Variants in MBD5 observed in about 807,000 individuals in gnomAD.
MBD5 encodes the protein methyl-CpG binding domain protein 5.
MBD5 carries 13 observed loss-of-function variants against 117.3 expected under a neutral mutation model. The observed-to-expected ratio is 0.11, with a 90% CI of 0.07 to 0.18. The LOEUF (loss-of-function observed/expected upper bound fraction) is 0.18, where lower values mean the gene tolerates loss of function less well. MBD5 is among the 10% of genes least tolerant of loss of function. The probability of loss-of-function intolerance (pLI) is 1.00; values close to 1 mark genes in which losing one functional copy is unlikely to be tolerated. For missense variants in MBD5, 1,879 were observed against 2,093.8 expected (o/e 0.90, Z 2.00); for synonymous variants, 727 against 766.4 (o/e 0.95, Z 0.85).
chr2:148,432,386 C>T (rs1395667802), intron 4 of MBD5, among the ~76,000 whole-genome samples: 2 of 152,052 alleles, frequency 1.3e-5, no homozygotes, highest in East Asian at 3.9e-4. Context: ...TCCCATTTGT[C>T]AATTTTGGTT....
chr2:148,150,877 T>C (rs1353820921), intron 1 of MBD5, among the ~76,000 whole-genome samples: 1 of 152,214 alleles, frequency 6.6e-6, no homozygotes, highest in Non-Finnish European at 1.5e-5. Context: ...TACAATCATG[T>C]CATCTGCAAA....
At position 148,263,340 on chromosome 2, in the gene MBD5, G is replaced by C. The variant is rs181799818; in HGVS notation, c.-680+29945G>C. On this transcript the variant is annotated intron_variant, in intron 3 of 13. Coordinates refer to ENST00000642680, the MANE Select transcript of MBD5 (RefSeq NM_001378120.1). Reference sequence around the variant, plus strand: ...TCGTGGCACAAATGTACACAGTTGTGGTGTGTGCATTGGGAGGCAGAGAGA... The same window carrying C: ...TCGTGGCACAAATGTACACAGTTGTCGTGTGTGCATTGGGAGGCAGAGAGA... Among the ~76,000 whole-genome samples, 295 of 152,248 alleles carry C rather than the reference G, an allele frequency of 1.9e-3. 1 individual carries two copies. The highest frequency in any genetic ancestry group is 6.7e-3 in the African/African-American group (277 of 41,558).
At chr2:148,211,698 A>G (rs958683358) in intron 2 of MBD5, among the ~76,000 whole-genome samples, 4 of 152,178 alleles carry the variant, frequency 2.6e-5, no homozygotes, top group African/African-American at 9.7e-5. Flanking sequence ...ACTCATCTTG[A>G]TGGCTTATTT....
At chr2:148,156,734 A>G (rs2105714450) in intron 1 of MBD5, among the ~76,000 whole-genome samples, 1 of 152,358 alleles carries the variant, frequency 6.6e-6, no homozygotes, top group African/African-American at 2.4e-5. Context: ...TTACTCTAAT[A>G]GAAGGCTTGG....
intron 2 of MBD5, among the ~76,000 whole-genome samples, chr2:148,223,259 A>G (rs1699735980): frequency 6.6e-6 from 1 of 152,102 alleles, no homozygotes; most frequent in Non-Finnish European, 1.5e-5. Context: ...TATTTTTGGT[A>G]TAAGGGTAAT....
At chr2:148,387,317 C>G (rs1704403163) in intron 4 of MBD5, among the ~76,000 whole-genome samples, 1 of 151,774 alleles carries the variant, frequency 6.6e-6, no homozygotes, top group African/African-American at 2.4e-5. Context: ...ATGATCATCT[C>G]AATAGAATTT....
rs34981118 is a variant in MBD5 at position 148,176,304 on chromosome 2, G to GTT, written c.-924-2379_-924-2378dup. Among the ~76,000 whole-genome samples, 158 of 98,902 alleles carry GTT rather than the reference G, an allele frequency of 1.6e-3. 1 individual carries two copies. The highest frequency in any genetic ancestry group is 2.0e-3 in the Admixed American group (19 of 9,372). The allele number at this position is 98,902 out of a possible 152,430, so 64.9% of individuals were successfully genotyped here. A position where few individuals can be genotyped will look rare whatever the true frequency, so the allele number is the denominator to read the frequency against. Reference sequence around the variant, plus strand: ...AATTACCTCTGTTTATTAGAGTTTTGTTTTTTTTTTTTTTTTTTCAGAAAA... The same window carrying GTT: ...AATTACCTCTGTTTATTAGAGTTTTGTTTTTTTTTTTTTTTTTTTTCAGAAAA... On this transcript the variant is annotated intron_variant, in intron 1 of 13. Transcript: ENST00000642680.
chr2:148,256,886 C>T (rs1700604668), intron 3 of MBD5, among the ~76,000 whole-genome samples: 1 of 152,226 alleles, frequency 6.6e-6, no homozygotes, highest in Admixed American at 6.5e-5. Flanking sequence ...TACTTGTACT[C>T]AGCTTACTCC....
chr2:148,153,115 G>T (rs1284913521), intron 1 of MBD5, among the ~76,000 whole-genome samples: 9 of 151,770 alleles, frequency 5.9e-5, no homozygotes, highest in African/African-American at 2.2e-4. Flanking sequence ...TCCTTCAGGA[G>T]CTCTTTTAGG....
At chr2:148,495,612 G>A (rs1474757947) in intron 11 of MBD5, among the ~76,000 whole-genome samples, 1 of 151,988 alleles carries the variant, frequency 6.6e-6, no homozygotes, top group Non-Finnish European at 1.5e-5. Flanking sequence ...AGAGACACCT[G>A]ATTACCAAAA....
intron 11 of MBD5, chr2:148,490,795 G>T: frequency 1.5e-6 from 1 of 650,338 alleles, no homozygotes; most frequent in Non-Finnish European, 2.6e-6. Context: ...GGGGTGAGTT[G>T]TAAAGCATTT....
chr2:148,027,894 G>A (rs1242218964), intron 1 of MBD5: 5 of 152,072 alleles, frequency 3.3e-5, no homozygotes, highest in African/African-American at 4.8e-5. Context: ...ATAATCAGTA[G>A]TGTGATCTTA....
At position 148,294,501 on chromosome 2, in the gene MBD5, G is replaced by GTTTTTTTTTTTTTTTTTTTTT. The variant is rs58961481; in HGVS notation, c.-679-47693_-679-47692insTTTTTTTTTTTTTTTTTTTTT. ...GGCCTCCCAAAGTGCTGGGATTACA[G>GTTTTTTTTTTTTTTTTTTTTT]TTTTTTTTTTTTTTTTTTTTGAGAT... On this transcript the variant is annotated intron_variant, in intron 3 of 13. Transcript: ENST00000642680. Among the ~76,000 whole-genome samples the GTTTTTTTTTTTTTTTTTTTTT allele has an allele frequency of 4.3e-4, 49 of 113,246 alleles. 5 individuals carry two copies. The highest frequency in any genetic ancestry group is 1.7e-3 in the African/African-American group (47 of 27,284). 74.3% of individuals were successfully genotyped at this position (113,246 alleles called of 152,430 possible). A position where few individuals can be genotyped will look rare whatever the true frequency, so the allele number is the denominator to read the frequency against.
At chr2:148,493,417 C>T (rs1465460131) in intron 11 of MBD5, among the ~76,000 whole-genome samples, 2 of 152,308 alleles carry the variant, frequency 1.3e-5, no homozygotes, top group Non-Finnish European at 1.5e-5. Flanking sequence ...TTTTCAGTTA[C>T]AGGCTTTGTT....
chr2:148,110,750 G>A (rs1257321580), intron 1 of MBD5, among the ~76,000 whole-genome samples: 9 of 151,596 alleles, frequency 5.9e-5, no homozygotes, highest in Non-Finnish European at 1.0e-4. Context: ...TCTCAGGCTG[G>A]TCCTCTAATT....
At chr2:148,335,558 A>G (rs1209139105) in intron 3 of MBD5, among the ~76,000 whole-genome samples, 1 of 151,900 alleles carries the variant, frequency 6.6e-6, no homozygotes, top group African/African-American at 2.4e-5. Flanking sequence ...TTCTCTACCA[A>G]AAATAAACAC....
At chr2:148,059,519 T>C (rs1049964887) in intron 1 of MBD5, among the ~76,000 whole-genome samples, 1 of 152,200 alleles carries the variant, frequency 6.6e-6, no homozygotes, top group East Asian at 1.9e-4. Flanking sequence ...ATAATCTGAA[T>C]GTAAATACAC....
chr2:148,280,611 G>T (rs1574233905), intron 3 of MBD5, among the ~76,000 whole-genome samples: 1 of 151,876 alleles, frequency 6.6e-6, no homozygotes, highest in South Asian at 2.1e-4. Context: ...TTGTATTTTT[G>T]GTAGAGAGGG....
intron 2 of MBD5, among the ~76,000 whole-genome samples, chr2:148,210,002 A>G (rs1435115798): frequency 2.0e-5 from 3 of 152,184 alleles, no homozygotes; most frequent in African/African-American, 7.2e-5. Flanking sequence ...CATCAAACAC[A>G]TATAAAATAG....
Sources: gnomAD v4.1 joint callset for allele counts (sites outside exome capture counted in the v4.1 genomes callset) on GRCh38, gnomAD v4.1.1 for gene constraint, MANE v1.5 for transcripts, NCBI Gene and HGNC (gene_info 2026-07-23, HGNC 2026-07-21) for gene names.